The following SLC41A3 variants were observed in gnomAD, a reference collection of about 807,000 sequenced individuals.
The protein encoded by SLC41A3 is solute carrier family 41 member 3.
A neutral mutation model predicts 45.4 loss-of-function variants in SLC41A3; 44 were observed. The ratio of observed to expected loss-of-function variants is 0.97; its 90% CI spans 0.76 to 1.25. SLC41A3 has a LOEUF of 1.25. Ranked by LOEUF, SLC41A3 falls within the 50% of genes most tolerant of loss-of-function variation. The probability of loss-of-function intolerance (pLI) is 0.00; values close to 1 mark genes in which losing one functional copy is unlikely to be tolerated. For synonymous variants in SLC41A3, 256 were observed against 252.4 expected (o/e 1.01, Z -0.13); for missense variants, 550 against 600.6 (o/e 0.92, Z 0.88).
intron 1 of SLC41A3, among the ~76,000 whole-genome samples, chr3:126,098,846 G>A (rs1327265705): frequency 6.6e-6 from 1 of 152,098 alleles, no homozygotes; most frequent in Non-Finnish European, 1.5e-5. Context: ...GTGGCCCTCT[G>A]GGAACAGGCC....
At chr3:126,013,860 CAG>C (rs1426160456) in intron 8 of SLC41A3, among the ~76,000 whole-genome samples, 2 of 152,254 alleles carry the variant, frequency 1.3e-5, no homozygotes, top group East Asian at 3.9e-4. Context: ...TGTAGACTGA[CAG>C]GGCATAGAAC....
chr3:126,073,456 A>T (rs982055204), intron 1 of SLC41A3, among the ~76,000 whole-genome samples: 3 of 152,068 alleles, frequency 2.0e-5, no homozygotes, highest in Non-Finnish European at 4.4e-5. Context: ...AAAAACAAAC[A>T]AACAAAATCC....
chr3:126,036,120 C>A (rs368037123), intron 3 of SLC41A3, among the ~76,000 whole-genome samples: 89 of 152,326 alleles, frequency 5.8e-4, no homozygotes, highest in African/African-American at 2.0e-3. Context: ...CAGGCTTCTA[C>A]GAAAAATCTC....
In SLC41A3 at chr3:126,023,156, G is replaced by A. The variant is rs1233745254; in HGVS notation, c.599-224C>T. The A allele has an allele frequency of 8.7e-6, 5 of 572,608 alleles. No homozygotes were observed. The East Asian group carries it at 1.5e-4, about 17-fold the overall frequency. The allele number at this position is 572,608 out of a possible 1,614,324, so 35.5% of individuals were successfully genotyped here. On this transcript the variant is annotated intron_variant, in intron 5 of 10. Coordinates refer to ENST00000360370, the MANE Select transcript of SLC41A3 (RefSeq NM_017836.4). ...CTGGAGGCCTGAGAAGGCTGGGAGA[G>A]TTGGACTCCACTTTGTGACCTGTGC... is the stretch of plus-strand genomic sequence containing the variant.
chr3:126,093,640 T>A (rs1269837603), intron 1 of SLC41A3, among the ~76,000 whole-genome samples: 1 of 147,124 alleles, frequency 6.8e-6, no homozygotes, highest in East Asian at 2.0e-4. Context: ...GAGTCATTGA[T>A]TTAGATTACA....
chr3:126,077,094 C>T (rs911447462), intron 1 of SLC41A3, among the ~76,000 whole-genome samples: 5 of 152,012 alleles, frequency 3.3e-5, no homozygotes, highest in South Asian at 2.1e-4. Context: ...AATAATATAA[C>T]GAGGCTGGGC....
intron 2 of SLC41A3, among the ~76,000 whole-genome samples, chr3:126,064,812 G>C (rs1243794389): frequency 6.6e-6 from 1 of 152,246 alleles, no homozygotes; most frequent in Non-Finnish European, 1.5e-5. Context: ...GACTGCATCA[G>C]TTTCTGGAGA....
chr3:126,056,314 CTG>C, intron 2 of SLC41A3: 1 of 1,589,870 alleles, frequency 6.3e-7, no homozygotes. Flanking sequence ...GAGACCCAGT[CTG>C]TGTGTCTCCC....
intron 3 of SLC41A3, among the ~76,000 whole-genome samples, chr3:126,038,386 A>G (rs1261068049): frequency 6.6e-6 from 1 of 152,234 alleles, no homozygotes; most frequent in Non-Finnish European, 1.5e-5. Context: ...CAGCAGCCAC[A>G]GAGGCTGCAC....
intron 6 of SLC41A3, 143 bp from the exon 7 acceptor site, chr3:126,017,018 C>A (rs528869608): frequency 4.8e-6 from 5 of 1,038,792 alleles, no homozygotes; most frequent in Non-Finnish European, 6.7e-6. Context: ...ATACTTTTCA[C>A]AGAACTTTCA....
intron 3 of SLC41A3, among the ~76,000 whole-genome samples, chr3:126,041,472 C>A (rs1176309052): frequency 6.6e-6 from 1 of 152,016 alleles, no homozygotes; most frequent in African/African-American, 2.4e-5. Flanking sequence ...GAAAGATAAA[C>A]AAATTACCTA....
rs149912231 is a variant in SLC41A3, at chr3:126,020,933, T to C, written c.745+1853A>G. On this transcript the variant is annotated intron_variant, in intron 6 of 10. Coordinates refer to ENST00000360370, the MANE Select transcript of SLC41A3 (RefSeq NM_017836.4). ...TTTTTTTGAGACAGTCTCTCTCTGT[T>C]GCCCAGGCTGGAGTACAGTGGCGCT... 2.5e-3 allele frequency among the ~76,000 whole-genome samples: 376 copies of C among 152,182 alleles called. 1 individual carries two copies. The highest frequency in any genetic ancestry group is 5.4e-3 in the South Asian group (26 of 4,822).
intron 1 of SLC41A3, among the ~76,000 whole-genome samples, chr3:126,094,195 T>C (rs1476298669): frequency 1.3e-5 from 2 of 152,178 alleles, no homozygotes. Context: ...ATGTCCCTGG[T>C]ATGGGACTAG....
chr3:126,016,907 T>A (rs891730368), intron 6 of SLC41A3, 32 bp from the exon 7 acceptor site: 6 of 1,604,802 alleles, frequency 3.7e-6, no homozygotes, highest in Non-Finnish European at 5.1e-6. Flanking sequence ...ACGCAGCTCA[T>A]GTGGCCAAGG....
At chr3:126,092,610 G>A (rs942852114) in intron 1 of SLC41A3, 4 of 153,098 alleles carry the variant, frequency 2.6e-5, no homozygotes, top group Non-Finnish European at 4.4e-5. Flanking sequence ...CACGGCAAGT[G>A]GCGTCCATTG....
At position 126,067,875 on chromosome 3, in the gene SLC41A3, C is replaced by T. The variant is rs146022301; in HGVS notation, c.273+72G>A. On this transcript the variant is annotated intron_variant, in intron 2 of 10. Transcript: ENST00000360370. ...CCGACAACCTTTAAGCTCAACCTTA[C>T]ATGCAGCTGCCTACTCTATAGGTGA... is the stretch of plus-strand genomic sequence containing the variant. The T allele has an allele frequency of 2.7e-6, 4 of 1,490,284 alleles. No individual in the cohort carries two copies. The African/African-American group carries it at 5.6e-5, about 21-fold the overall frequency. 92.3% of individuals were successfully genotyped at this position (1,490,284 alleles called of 1,614,324 possible).
At position 126,081,636 on chromosome 3, in the gene SLC41A3, A is replaced by T. The variant is rs1170316096; in HGVS notation, c.-28+2457T>A. Among the ~76,000 whole-genome samples the T allele has an allele frequency of 3.3e-5, 5 of 152,194 alleles. No individual in the cohort carries two copies. The East Asian group carries it at 9.6e-4, about 29-fold the overall frequency. On this transcript the variant is annotated intron_variant, in intron 1 of 10. Transcript: ENST00000360370. ...TGTACATCTATTATGTGTCAATAAA[A>T]TTTTTTTAATATAAATAAATGAACC...
chr3:126,077,928 C>T (rs1006926941), intron 1 of SLC41A3, among the ~76,000 whole-genome samples: 1 of 152,182 alleles, frequency 6.6e-6, no homozygotes, highest in Non-Finnish European at 1.5e-5. Context: ...GTTGGCGGCA[C>T]CCTCGGTGGC....
At chr3:126,046,903 A>G (rs1461679605) in intron 3 of SLC41A3, among the ~76,000 whole-genome samples, 1 of 150,090 alleles carries the variant, frequency 6.7e-6, no homozygotes, top group African/African-American at 2.5e-5. Flanking sequence ...TGGAGGTTGC[A>G]GTGAGTTGAG....
Sources: gnomAD v4.1 joint callset for allele counts (sites outside exome capture counted in the v4.1 genomes callset) on GRCh38, gnomAD v4.1.1 for gene constraint, MANE v1.5 for transcripts, NCBI Gene and HGNC (gene_info 2026-07-23, HGNC 2026-07-21) for gene names.